Variants in LNPEP observed in about 807,000 individuals in gnomAD.
LNPEP encodes leucyl-cystinyl aminopeptidase.
A neutral mutation model predicts 120.6 loss-of-function variants in LNPEP; 64 were observed. That is an observed-to-expected ratio of 0.53 (90% CI 0.43 to 0.65). The LOEUF is 0.65. Ranked by LOEUF, LNPEP falls within the 30% of genes least tolerant of loss-of-function variation. The pLI is 0.00. For synonymous variants in LNPEP, 435 were observed against 425.4 expected (o/e 1.02, Z -0.28); for missense variants, 1,057 against 1,200.0 (o/e 0.88, Z 1.76).
chr5:96,980,834 T>C (rs1790104980), intron 2 of LNPEP, among the ~76,000 whole-genome samples: 12 of 152,246 alleles, frequency 7.9e-5, no homozygotes, highest in Admixed American at 7.9e-4. Context: ...TAGTTAGAAA[T>C]GAGTATTCTA....
At chr5:96,967,978 GT>G (rs1282300333) in intron 1 of LNPEP, among the ~76,000 whole-genome samples, 3 of 152,008 alleles carry the variant, frequency 2.0e-5, no homozygotes, top group African/African-American at 7.2e-5. Flanking sequence ...GGCCTTGAGA[GT>G]TTCCTAAACC....
chr5:96,997,972 T>G (rs771577136), intron 7 of LNPEP, 42 bp from the exon 8 acceptor site: 11 of 1,376,666 alleles, frequency 8.0e-6, no homozygotes, highest in South Asian at 1.3e-5. Context: ...CTTTTGCATT[T>G]GATACTACTT....
At chr5:97,018,415 A>G (rs990903683) in intron 13 of LNPEP, among the ~76,000 whole-genome samples, 11 of 152,028 alleles carry the variant, frequency 7.2e-5, no homozygotes, top group Admixed American at 5.9e-4. Flanking sequence ...CTGGGCAGAT[A>G]TGTGTTTATT....
chr5:96,959,106 C>A (rs1414083414), intron 1 of LNPEP, among the ~76,000 whole-genome samples: 3 of 152,064 alleles, frequency 2.0e-5, no homozygotes, highest in African/African-American at 7.2e-5. Context: ...CTTTTAAGGA[C>A]CCCTGTGATT....
At chr5:97,006,046 T>TTTTATATA (rs1554069883) in intron 9 of LNPEP, 27 bp from the exon 10 acceptor site, 2 of 656,136 alleles carry the variant, frequency 3.0e-6, no homozygotes, top group East Asian at 1.1e-4. Context: ...GGAAAAAGTT[T>TTTTATATA]TATATATATA....
At chr5:96,986,161 A>G (rs1366267345) in intron 3 of LNPEP, among the ~76,000 whole-genome samples, 1 of 152,196 alleles carries the variant, frequency 6.6e-6, no homozygotes, top group Non-Finnish European at 1.5e-5. Context: ...TGTCGCAGCT[A>G]GAGCTCCTTC....
rs1791566051 is a variant in LNPEP at position 97,035,962 on chromosome 5, T to C, written c.*7429T>C. The stretch of plus-strand genomic sequence containing the variant: ...TTCTAGAAAGGCAAGAGGACAATAT[T>C]GAATAAAGCTGTGTTTAAACTTCAT... On this transcript the variant is annotated 3_prime_UTR_variant, in exon 18 of 18. Transcript: ENST00000231368. The C allele has an allele frequency of 6.6e-6, 1 of 152,168 alleles. No individual in the cohort carries two copies. The highest frequency in any genetic ancestry group is 1.5e-5 in the Non-Finnish European group (1 of 68,012). 9.4% of individuals were successfully genotyped at this position (152,168 alleles called of 1,614,324 possible). A position where few individuals can be genotyped will look rare whatever the true frequency, so the allele number is the denominator to read the frequency against.
intron 4 of LNPEP, among the ~76,000 whole-genome samples, chr5:96,988,915 T>A (rs980967725): frequency 6.6e-6 from 1 of 152,108 alleles, no homozygotes; most frequent in Non-Finnish European, 1.5e-5. Flanking sequence ...TCTGGCAAAT[T>A]CAGCTATATT....
At chr5:97,006,390 CAT>C in intron 10 of LNPEP, 35 bp from the exon 11 acceptor site, 1 of 1,262,642 alleles carries the variant, frequency 7.9e-7, no homozygotes, top group Non-Finnish European at 1.1e-6. Context: ...AAAAAAAAAT[CAT>C]ATGTAACTAA....
intron 5 of LNPEP, 127 bp downstream of exon 5, chr5:96,993,262 TA>T (rs1790433847): frequency 1.6e-6 from 1 of 607,400 alleles, no homozygotes; most frequent in Admixed American, 3.5e-5. Flanking sequence ...ATTAATGCTT[TA>T]AAAATTGTTT....
chr5:97,025,948 G>A (rs1321377390), intron 15 of LNPEP, among the ~76,000 whole-genome samples: 1 of 152,150 alleles, frequency 6.6e-6, no homozygotes, highest in African/African-American at 2.4e-5. Flanking sequence ...CAGTCTTGGA[G>A]TGGGGCGTGG....
intron 8 of LNPEP, among the ~76,000 whole-genome samples, chr5:96,998,661 C>T (rs1379698708): frequency 1.3e-5 from 2 of 152,108 alleles, no homozygotes; most frequent in African/African-American, 2.4e-5. Context: ...ATAGTGATAA[C>T]GGTGTCATTC....
rs761348396 is a variant in LNPEP, at chr5:97,027,754, C to G, written c.2886C>G (p.Thr962=). Residue 962 remains threonine (T), a synonymous_variant, in exon 17 of 18, where the codon ACC becomes ACG. Coordinates refer to ENST00000231368, the MANE Select transcript of LNPEP (RefSeq NM_005575.3). ...TCAGGTTCCCTCTGGGGTCCTATAC[C>G]ATACAAAATATTGTTGCTGGATCAA... is the stretch of plus-strand genomic sequence containing the variant. ...LVQKFPLGSY[T]IQNIVAGSTY... is the part of the protein sequence containing the mutation. 18 of 1,605,542 alleles carry G rather than the reference C, an allele frequency of 1.1e-5. No individual in the cohort carries two copies. The highest frequency in any genetic ancestry group is 1.7e-4 in the Middle Eastern group (1 of 6,048).
intron 4 of LNPEP, among the ~76,000 whole-genome samples, chr5:96,989,941 G>A (rs1053554206): frequency 3.3e-5 from 5 of 152,160 alleles, no homozygotes; most frequent in Non-Finnish European, 7.4e-5. Flanking sequence ...TTTTCTCCTG[G>A]CTTGTCCTCT....
At chr5:96,964,944 T>A (rs1026928794) in intron 1 of LNPEP, among the ~76,000 whole-genome samples, 6 of 152,192 alleles carry the variant, frequency 3.9e-5, no homozygotes, top group Non-Finnish European at 7.4e-5. Context: ...GTGTTGCAGT[T>A]TTTTGTTGAT....
At chr5:96,971,362 T>C (rs1200610089) in intron 1 of LNPEP, among the ~76,000 whole-genome samples, 1 of 151,706 alleles carries the variant, frequency 6.6e-6, no homozygotes, top group Non-Finnish European at 1.5e-5. Context: ...TGTGTGTGTG[T>C]GTGTGTGTGT....
chr5:96,955,077 C>T (rs532588022), intron 1 of LNPEP, among the ~76,000 whole-genome samples: 6 of 151,208 alleles, frequency 4.0e-5, no homozygotes, highest in South Asian at 4.2e-4. Context: ...CCACCGCGCC[C>T]GGCCTGCAAT....
chr5:96,994,480 T>TC (rs1432510896), intron 6 of LNPEP, among the ~76,000 whole-genome samples: 2 of 143,798 alleles, frequency 1.4e-5, no homozygotes, highest in Non-Finnish European at 3.1e-5. Flanking sequence ...TTTTTTTTTT[T>TC]CATCTCCTGC....
At chr5:96,970,958 C>T (rs1351558767) in intron 1 of LNPEP, among the ~76,000 whole-genome samples, 1 of 152,060 alleles carries the variant, frequency 6.6e-6, no homozygotes, top group Non-Finnish European at 1.5e-5. Flanking sequence ...CTGGTATTCT[C>T]TCCTTCCTGA....
Sources: allele counts gnomAD v4.1 joint callset (sites outside exome capture counted in the v4.1 genomes callset), GRCh38; gene constraint gnomAD v4.1.1; transcripts MANE v1.5; gene names NCBI Gene and HGNC (gene_info 2026-07-23, HGNC 2026-07-21).